The following COLEC10 variants were observed in gnomAD, a reference collection of about 807,000 sequenced individuals.
COLEC10 encodes the protein collectin-10.
COLEC10 carries 22 observed loss-of-function variants against 28.4 expected under a neutral mutation model. That is an observed-to-expected ratio of 0.78 (90% CI 0.55 to 1.11). The LOEUF is 1.11. Ranked by LOEUF, COLEC10 falls within the 50% of genes least tolerant of loss-of-function variation. The probability of loss-of-function intolerance (pLI) is 0.00; values close to 1 mark genes in which losing one functional copy is unlikely to be tolerated. For missense variants in COLEC10, 361 were observed against 344.1 expected (o/e 1.05, Z -0.39); for synonymous variants, 125 against 116.1 (o/e 1.08, Z -0.49).
At chr8:118,980,866 T>C in the COLEC10 span, among the ~76,000 whole-genome samples, 1 of 152,074 alleles carries the variant, frequency 6.6e-6, no homozygotes, top group African/African-American at 2.4e-5. Context: ...CTCAAATGTG[T>C]GTTTTTTTGT....
chr8:119,082,514 C>G (rs1233211174), intron 1 of COLEC10, among the ~76,000 whole-genome samples: 1 of 152,196 alleles, frequency 6.6e-6, no homozygotes, highest in Non-Finnish European at 1.5e-5. Flanking sequence ...TGTCTTATCA[C>G]CTATGACACA....
intron 1 of COLEC10, among the ~76,000 whole-genome samples, chr8:119,086,072 G>A (rs955187760): frequency 5.9e-5 from 9 of 152,148 alleles, no homozygotes; most frequent in Non-Finnish European, 1.2e-4. Flanking sequence ...TTTCCTTTGA[G>A]TAAAGGGTAC....
intron 2 of COLEC10, among the ~76,000 whole-genome samples, chr8:119,033,549 A>G (rs1814331464): frequency 6.6e-6 from 1 of 152,242 alleles, no homozygotes; most frequent in Non-Finnish European, 1.5e-5. Flanking sequence ...CAAATTTACA[A>G]GAAAAAACAA....
At position 119,045,447 on chromosome 8, in the gene COLEC10, A is replaced by ATGGG. The variant is rs757635704; in HGVS notation, n.235+35894_235+35895insTGGG. ...TCATACTGACAATAGAGAAAGCTGAAACAATGGGATTAGATATGGTATAAC... is the reference window on the plus strand; with the variant it reads ...TCATACTGACAATAGAGAAAGCTGAATGGGACAATGGGATTAGATATGGTATAAC... On this transcript the variant is annotated intron_variant and non_coding_transcript_variant, in intron 2 of 6. Coordinates refer to the COLEC10 transcript ENST00000521788. Among the ~76,000 whole-genome samples, 596 of 152,356 alleles carry ATGGG rather than the reference A, an allele frequency of 3.9e-3. 5 individuals are homozygous for ATGGG. The highest frequency in any genetic ancestry group is 6.4e-3 in the Non-Finnish European group (437 of 68,034).
intron 1 of COLEC10, among the ~76,000 whole-genome samples, chr8:119,080,318 CAAGT>C (rs1329790128): frequency 2.0e-5 from 3 of 152,110 alleles, no homozygotes; most frequent in Non-Finnish European, 4.4e-5. Context: ...AACGAACAAA[CAAGT>C]AAGAAAATTG....
the COLEC10 span, among the ~76,000 whole-genome samples, chr8:118,984,774 T>A: frequency 6.6e-6 from 1 of 152,100 alleles, no homozygotes; most frequent in Non-Finnish European, 1.5e-5. Flanking sequence ...TACCCAAGAC[T>A]GGGCAATTTA....
At chr8:119,101,549 A>T (rs1194714580) in intron 3 of COLEC10, among the ~76,000 whole-genome samples, 1 of 152,212 alleles carries the variant, frequency 6.6e-6, no homozygotes, top group South Asian at 2.1e-4. Context: ...AAATGGTTAC[A>T]TATAAAGAAG....
chr8:118,962,406 G>T, the COLEC10 span, among the ~76,000 whole-genome samples: 1 of 152,174 alleles, frequency 6.6e-6, no homozygotes, highest in Non-Finnish European at 1.5e-5. Context: ...TTACCTGAAA[G>T]GTCATTTATC....
At chr8:119,032,869 C>A (rs549656527) in intron 2 of COLEC10, among the ~76,000 whole-genome samples, 2 of 152,158 alleles carry the variant, frequency 1.3e-5, no homozygotes, top group Admixed American at 6.5e-5. Context: ...GCCTCTGCAC[C>A]GGAGCCTGGG....
At chr8:119,100,198 A>G (rs1411891667) in intron 3 of COLEC10, among the ~76,000 whole-genome samples, 1 of 152,140 alleles carries the variant, frequency 6.6e-6, no homozygotes, top group Non-Finnish European at 1.5e-5. Context: ...GGGAAGCACC[A>G]TGAAAGGGGG....
intron 1 of COLEC10, among the ~76,000 whole-genome samples, chr8:119,071,564 A>G (rs528907685): frequency 6.6e-6 from 1 of 152,290 alleles, no homozygotes; most frequent in South Asian, 2.1e-4. Context: ...CCATCTGTGC[A>G]GCAAGGCCAT....
the COLEC10 span, among the ~76,000 whole-genome samples, chr8:118,963,441 A>C: frequency 6.6e-6 from 1 of 152,176 alleles, no homozygotes; most frequent in Non-Finnish European, 1.5e-5. Context: ...CTCCATACCT[A>C]ATTCCAGCTT....
the COLEC10 span, among the ~76,000 whole-genome samples, chr8:118,988,715 C>T: frequency 6.6e-6 from 1 of 152,158 alleles, no homozygotes; most frequent in Admixed American, 6.6e-5. Flanking sequence ...GCTGGAAAAG[C>T]TGCATGACAC....
At chr8:118,985,905 C>A in the COLEC10 span, among the ~76,000 whole-genome samples, 1 of 151,914 alleles carries the variant, frequency 6.6e-6, no homozygotes, top group East Asian at 1.9e-4. Context: ...ATAGCAGTTC[C>A]GATCTGAAGT....
chr8:119,067,401 C>T lies in COLEC10; in HGVS notation c.120C>T (p.Ala40=), dbSNP rs1447555333. The change falls in exon 1 of 6, where the codon GCC becomes GCT. Residue 40 remains alanine, a synonymous_variant. Transcript: ENST00000332843. ...GCCGTCCTACCGCTGAAGTCTGTGC[C>T]ACACACACAATTTCACCAGGACCCA... ...IDSRPTAEVC[A]THTISPGPKG... 6.2e-7 allele frequency: 1 copy of T among 1,613,738 alleles called. No homozygotes were observed. The highest frequency in any genetic ancestry group is 1.3e-5 in the African/African-American group (1 of 74,880).
the COLEC10 span, among the ~76,000 whole-genome samples, chr8:118,974,132 A>C: frequency 1.3e-4 from 19 of 151,898 alleles, no homozygotes; most frequent in African/African-American, 4.3e-4. Context: ...CTATAACAGC[A>C]ATTCCTTCCT....
intron 3 of COLEC10, among the ~76,000 whole-genome samples, chr8:119,091,595 G>GGGAGAA (rs1554629268): frequency 7.2e-6 from 1 of 138,488 alleles, no homozygotes; most frequent in Non-Finnish European, 1.6e-5. Flanking sequence ...GAGAGAGAGA[G>GGGAGAA]AGAAAGAAAG....
intron 1 of COLEC10, among the ~76,000 whole-genome samples, chr8:119,005,095 G>A (rs1025708553): frequency 2.6e-5 from 4 of 152,042 alleles, no homozygotes; most frequent in Admixed American, 6.6e-5. Flanking sequence ...AGATCCTTGG[G>A]TTCAGGTCTT....
At chr8:119,095,279 T>C (rs966304958) in intron 3 of COLEC10, among the ~76,000 whole-genome samples, 6 of 152,134 alleles carry the variant, frequency 3.9e-5, no homozygotes, top group African/African-American at 1.4e-4. Context: ...CTACACATAA[T>C]GGACAAGAAA....
Sources: gnomAD v4.1 joint callset for allele counts (sites outside exome capture counted in the v4.1 genomes callset) on GRCh38, gnomAD v4.1.1 for gene constraint, MANE v1.5 for transcripts, NCBI Gene and HGNC (gene_info 2026-07-23, HGNC 2026-07-21) for gene names.